NUP205: variants seen among roughly 807,000 people sequenced by gnomAD.
NUP205 encodes nuclear pore complex protein Nup205.
In NUP205, 76 loss-of-function variants were observed where a neutral mutation model predicts 253.8. That is an observed-to-expected ratio of 0.30 (90% CI 0.25 to 0.36). The LOEUF (loss-of-function observed/expected upper bound fraction) is 0.36. Among genes scored for constraint, NUP205 ranks in the 10% least tolerant of loss-of-function variants. The probability of loss-of-function intolerance (pLI) is 1.00; values close to 1 mark genes in which losing one functional copy is unlikely to be tolerated. For synonymous variants in NUP205, 832 were observed against 850.1 expected (o/e 0.98, Z 0.37); for missense variants, 2,162 against 2,425.5 (o/e 0.89, Z 2.28).
At chr7:135,601,781 C>T (rs1400120327) in intron 17 of NUP205, among the ~76,000 whole-genome samples, 2 of 152,086 alleles carry the variant, frequency 1.3e-5, no homozygotes, top group Non-Finnish European at 2.9e-5. Flanking sequence ...CTTTAACATC[C>T]CTAACTTTAA....
chr7:135,595,316 C>T (rs926412537), intron 13 of NUP205, among the ~76,000 whole-genome samples: 15 of 151,924 alleles, frequency 9.9e-5, no homozygotes, highest in Admixed American at 3.9e-4. Flanking sequence ...CTCCACCTCC[C>T]GGGTTAAAGC....
chr7:135,595,214 C>T (rs1037451736), intron 13 of NUP205, among the ~76,000 whole-genome samples: 1 of 151,568 alleles, frequency 6.6e-6, no homozygotes, highest in African/African-American at 2.4e-5. Context: ...GTCAAGTTTG[C>T]ACTGATTTTT....
chr7:135,593,014 G>A lies in NUP205; in HGVS notation c.1652G>A (p.Ser551Asn), dbSNP rs1806669872. The A allele has an allele frequency of 6.2e-7, 1 of 1,613,598 alleles. No homozygotes were observed. The highest frequency in any genetic ancestry group is 8.5e-7 in the Non-Finnish European group (1 of 1,179,630). Residue 551 changes from serine to asparagine, a missense_variant, in exon 12 of 43, where the codon AGT becomes AAT. Coordinates refer to ENST00000285968, the MANE Select transcript of NUP205 (RefSeq NM_015135.3). ...GAAAATATTCAGGGAGCAGGTGGCA[G>A]TCCTGTTTCCTGGGAACATTTCTTT... The part of the protein sequence containing the change: ...HVENIQGAGG[S>N]PVSWEHFFHS...
chr7:135,626,254 A>G lies in NUP205; in HGVS notation c.4686A>G (p.Arg1562=). The change falls in exon 33 of 43, where the codon AGA becomes AGG. Residue 1562 remains arginine, a synonymous_variant. Coordinates refer to ENST00000285968, the MANE Select transcript of NUP205 (RefSeq NM_015135.3). ...TYESKMAFLT[R]VAKIQQGALE... ...TAACTCCTCAGGCATTTCTCACAAG[A>G]GTGGCAAAGATACAGCAGGGTGCAT... 6.2e-7 allele frequency: 1 copy of G among 1,614,148 alleles called. No homozygotes were observed. The highest frequency in any genetic ancestry group is 8.5e-7 in the Non-Finnish European group (1 of 1,180,006).
At chr7:135,567,120 CTATGTGTGTATATATATA>C (rs1255085093) in intron 1 of NUP205, among the ~76,000 whole-genome samples, 1,370 of 53,766 alleles carry the variant, frequency 0.025, 162 homozygotes, top group East Asian at 0.087. Flanking sequence ...CTTGCTCAGT[CTATGTGTGTATATATATA>C]TATATATATA....
intron 19 of NUP205, 120 bp from the exon 20 acceptor site, chr7:135,606,025 T>C: frequency 1.5e-6 from 1 of 664,178 alleles, no homozygotes; most frequent in Non-Finnish European, 2.6e-6. Context: ...AAAACGTAAA[T>C]ACCTAAGCAG....
intron 34 of NUP205, 33 bp from the exon 35 acceptor site, chr7:135,630,311 T>G (rs1289401325): frequency 6.9e-7 from 1 of 1,446,124 alleles, no homozygotes; most frequent in Non-Finnish European, 9.3e-7. Flanking sequence ...TTCTACCTGT[T>G]TTTTCTATTC....
intron 1 of NUP205, among the ~76,000 whole-genome samples, chr7:135,569,217 C>T (rs950485708): frequency 2.6e-5 from 4 of 152,074 alleles, no homozygotes; most frequent in East Asian, 1.9e-4. Flanking sequence ...ATTACAGGCG[C>T]GTGCCACCAC....
At chr7:135,561,386 T>C (rs953368516) in intron 1 of NUP205, among the ~76,000 whole-genome samples, 9 of 152,112 alleles carry the variant, frequency 5.9e-5, no homozygotes, top group African/African-American at 1.7e-4. Flanking sequence ...CCTATGCTTG[T>C]ATTTCAGCTG....
At chr7:135,595,269 G>T (rs1793797579) in intron 13 of NUP205, among the ~76,000 whole-genome samples, 1 of 151,996 alleles carries the variant, frequency 6.6e-6, no homozygotes, top group South Asian at 2.1e-4. Context: ...GGCAAGGATG[G>T]AGTGAGTACA....
At chr7:135,609,618 A>C (rs1204998366) in intron 22 of NUP205, among the ~76,000 whole-genome samples, 2 of 152,036 alleles carry the variant, frequency 1.3e-5, no homozygotes, top group African/African-American at 2.4e-5. Flanking sequence ...ACTGCACTCC[A>C]GCCTGGGCAA....
chr7:135,592,539 C>T (rs1806656634), intron 11 of NUP205, among the ~76,000 whole-genome samples: 1 of 152,240 alleles, frequency 6.6e-6, no homozygotes, highest in African/African-American at 2.4e-5. Context: ...ATTTTCAGCA[C>T]ACCGCTTATG....
At position 135,617,265 on chromosome 7, in the gene NUP205, G is replaced by A. The variant is rs749931538; in HGVS notation, c.3690+18G>A. 6.2e-7 allele frequency: 1 copy of A among 1,609,704 alleles called. No individual in the cohort carries two copies. Among genetic ancestry groups the A allele is most frequent in the Non-Finnish European group, 8.5e-7 (1 of 1,177,124 alleles). ...ATGTCAAGGTGAGGATTGCTTTAAA[G>A]TACATATCTGCAGTGTCAAGTGGCT... is the stretch of plus-strand genomic sequence containing the variant. On this transcript the variant is annotated intron_variant, in intron 26 of 42. Transcript: ENST00000285968.
At chr7:135,632,849 C>T (rs1794740170) in intron 35 of NUP205, among the ~76,000 whole-genome samples, 1 of 152,146 alleles carries the variant, frequency 6.6e-6, no homozygotes, top group South Asian at 2.1e-4. Context: ...TGCAGGGTCT[C>T]CATGAGATTT....
In NUP205 at chr7:135,569,516, C is replaced by CA. The variant is rs1266639120; in HGVS notation, c.29-1588dup. On this transcript the variant is annotated intron_variant, in intron 1 of 42. Transcript: ENST00000285968. ...ACTGGTTAGGGCACACTCTGATGCC[C>CA]AGACTGCTTGGGCTTAAGTTCTGAC... Among the ~76,000 whole-genome samples the CA allele has an allele frequency of 3.3e-5, 5 of 151,706 alleles. No homozygotes were observed. In the East Asian group the frequency reaches 9.6e-4, roughly 29 times the overall value.
chr7:135,590,537 A>G (rs1806601000), intron 10 of NUP205, among the ~76,000 whole-genome samples: 1 of 149,474 alleles, frequency 6.7e-6, no homozygotes, highest in African/African-American at 2.4e-5. Context: ...CATCATCATA[A>G]AACCTTTTTT....
chr7:135,563,257 G>A (rs1463578434), intron 1 of NUP205, among the ~76,000 whole-genome samples: 1 of 151,868 alleles, frequency 6.6e-6, no homozygotes, highest in African/African-American at 2.4e-5. Context: ...GCGTGATCTC[G>A]GCTCACTGCA....
intron 13 of NUP205, among the ~76,000 whole-genome samples, chr7:135,596,238 G>GCAAC (rs1563121344): frequency 6.6e-6 from 1 of 152,144 alleles, no homozygotes; most frequent in Non-Finnish European, 1.5e-5. Context: ...CCAGCCAGAA[G>GCAAC]CAACCATTTT....
In NUP205 at chr7:135,601,506, T is replaced by C; in HGVS notation, c.2511T>C (p.Pro837=). Residue 837 remains proline, a splice_region_variant and synonymous_variant, in exon 17 of 43, where the codon CCT becomes CCC. Coordinates refer to ENST00000285968, the MANE Select transcript of NUP205 (RefSeq NM_015135.3). ...VKQLDTYAPF[P]GKKHLEKAVQ... ...AGCTTGACACCTATGCCCCCTTTCC[T>C]GGTATATGCTTAAAAGCCTTCATGT... The C allele has an allele frequency of 1.9e-6, 3 of 1,610,916 alleles. No individual in the cohort carries two copies. Among genetic ancestry groups the C allele is most frequent in the African/African-American group, 1.3e-5 (1 of 74,860 alleles).
Sources: gnomAD v4.1 joint callset for allele counts (sites outside exome capture counted in the v4.1 genomes callset) on GRCh38, gnomAD v4.1.1 for gene constraint, MANE v1.5 for transcripts, NCBI Gene and HGNC (gene_info 2026-07-23, HGNC 2026-07-21) for gene names.